Variants in ATP10B observed in about 807,000 individuals in gnomAD.
The protein encoded by ATP10B is phospholipid-transporting ATPase VB.
A neutral mutation model predicts 141.2 loss-of-function variants in ATP10B; 122 were observed. The ratio of observed to expected loss-of-function variants is 0.86; its 90% confidence interval spans 0.75 to 1.00. The LOEUF (loss-of-function observed/expected upper bound fraction) is 1.00, where lower values mean the gene tolerates loss of function less well. Ranked by LOEUF, ATP10B falls within the 50% of genes least tolerant of loss-of-function variation. The pLI is 0.00. For synonymous variants in ATP10B, 685 were observed against 692.0 expected (o/e 0.99, Z 0.16); for missense variants, 1,876 against 1,825.3 (o/e 1.03, Z -0.51).
At chr5:160,757,943 G>A (rs1239151568) in intron 2 of ATP10B, among the ~76,000 whole-genome samples, 2 of 152,100 alleles carry the variant, frequency 1.3e-5, no homozygotes, top group South Asian at 4.1e-4. Context: ...CCCAAGTGTG[G>A]CAACCAAAAA....
chr5:160,679,106 T>C (rs887437419), intron 6 of ATP10B, among the ~76,000 whole-genome samples: 2 of 152,220 alleles, frequency 1.3e-5, no homozygotes, highest in African/African-American at 2.4e-5. Context: ...ATTAGTGACA[T>C]AACCAGGATC....
chr5:160,755,488 TATG>T (rs2127829149), intron 2 of ATP10B, among the ~76,000 whole-genome samples: 1 of 152,066 alleles, frequency 6.6e-6, no homozygotes, highest in Non-Finnish European at 1.5e-5. Flanking sequence ...ATATGTAAAA[TATG>T]ATATTATATT....
intron 3 of ATP10B, among the ~76,000 whole-genome samples, chr5:160,715,975 C>G (rs7717797): frequency 1.3e-5 from 2 of 152,076 alleles, no homozygotes; most frequent in Non-Finnish European, 2.9e-5. Flanking sequence ...TCCCAAAGTG[C>G]TGGGATTACA....
Position 160,568,927 on chromosome 5 carries a change from T to C in ATP10B, c.3938+569A>G, listed in dbSNP as rs191771244. ...GATTATTTGTCTAATGCAGGTCTTG[T>C]ATGGAAGGTGTGTGTTTAAACAAAT... On this transcript the variant is annotated intron_variant, in intron 25 of 25. Transcript: ENST00000327245. Among the ~76,000 whole-genome samples the C allele has an allele frequency of 1.6e-4, 25 of 152,324 alleles. No individual in the cohort carries two copies. The East Asian group carries it at 4.6e-3, about 28-fold the overall frequency.
At chr5:160,904,719 A>G in the ATP10B span, among the ~76,000 whole-genome samples, 5 of 152,360 alleles carry the variant, frequency 3.3e-5, no homozygotes, top group East Asian at 9.6e-4. Context: ...TGTACAAATG[A>G]CAGCTATTAT....
intron 2 of ATP10B, among the ~76,000 whole-genome samples, chr5:160,771,163 T>A (rs1320001286): frequency 6.6e-6 from 1 of 152,208 alleles, no homozygotes; most frequent in Non-Finnish European, 1.5e-5. Flanking sequence ...TGATGGATGT[T>A]CACTGGCATA....
In ATP10B at chr5:160,591,133, T is replaced by C; in HGVS notation, c.3571A>G (p.Asn1191Asp). The change falls in exon 23 of 26, where the codon AAC becomes GAC. Residue 1191 changes from asparagine (N) to aspartate (D), a missense_variant. Coordinates refer to ENST00000327245, the MANE Select transcript of ATP10B (RefSeq NM_025153.3). Reference protein sequence around the residue: ...YKSGQNSECYNLSTFWISMVD... With the variant: ...YKSGQNSECYDLSTFWISMVD... ...ATAGAAATCCAGAAAGTCGACAGGT[T>C]ATAGCACTGCCAGGAGAGAACACAC... The C allele has an allele frequency of 6.2e-7, 1 of 1,613,562 alleles. No homozygotes were observed. The highest frequency in any genetic ancestry group is 8.5e-7 in the Non-Finnish European group (1 of 1,179,768).
At chr5:160,890,504 C>T in the ATP10B span, among the ~76,000 whole-genome samples, 1 of 151,826 alleles carries the variant, frequency 6.6e-6, no homozygotes, top group Non-Finnish European at 1.5e-5. Flanking sequence ...TTGGATTTGA[C>T]TATTCTGGAT....
At chr5:160,908,150 C>T in the ATP10B span, among the ~76,000 whole-genome samples, 3 of 152,160 alleles carry the variant, frequency 2.0e-5, no homozygotes, top group Non-Finnish European at 2.9e-5. Flanking sequence ...TAGCTCATTA[C>T]ACTATGTCAC....
At chr5:160,928,529 TA>T in the ATP10B span, among the ~76,000 whole-genome samples, 1 of 152,122 alleles carries the variant, frequency 6.6e-6, no homozygotes, top group African/African-American at 2.4e-5. Flanking sequence ...CTGGGATCAG[TA>T]AACCCTCATT....
chr5:160,873,280 T>G, the ATP10B span, among the ~76,000 whole-genome samples: 2 of 152,190 alleles, frequency 1.3e-5, no homozygotes, highest in Admixed American at 1.3e-4. Flanking sequence ...CAAAAACCTA[T>G]GGTTAACATC....
At chr5:160,739,825 T>A (rs563911730) in intron 2 of ATP10B, among the ~76,000 whole-genome samples, 3 of 146,996 alleles carry the variant, frequency 2.0e-5, no homozygotes, top group East Asian at 3.9e-4. Flanking sequence ...TTTTTGTTTT[T>A]TAAAATTGTA....
chr5:160,760,121 CA>C (rs1561825407), intron 2 of ATP10B, among the ~76,000 whole-genome samples: 1 of 152,180 alleles, frequency 6.6e-6, no homozygotes, highest in African/African-American at 2.4e-5. Context: ...AGAGAGGGAT[CA>C]AATTTCATCC....
chr5:160,821,334 A>G (rs1217194652), intron 1 of ATP10B, among the ~76,000 whole-genome samples: 1 of 152,112 alleles, frequency 6.6e-6, no homozygotes, highest in African/African-American at 2.4e-5. Flanking sequence ...TATAGTAAAA[A>G]CTATAAAACA....
intron 1 of ATP10B, among the ~76,000 whole-genome samples, chr5:160,791,277 C>T (rs936014229): frequency 6.6e-6 from 1 of 152,076 alleles, no homozygotes; most frequent in African/African-American, 2.4e-5. Context: ...TTTTTAGCTT[C>T]TAAGTTTTTG....
chr5:160,891,517 G>A, the ATP10B span, among the ~76,000 whole-genome samples: 2 of 152,124 alleles, frequency 1.3e-5, no homozygotes, highest in African/African-American at 2.4e-5. Context: ...GTGCAGTGGC[G>A]CAGTCTCAAC....
At chr5:160,816,190 T>TAAAAAAGCCTTC (rs536526439) in intron 1 of ATP10B, among the ~76,000 whole-genome samples, 1 of 108,598 alleles carries the variant, frequency 9.2e-6, no homozygotes, top group Admixed American at 9.2e-5. Context: ...AAGAGAGACA[T>TAAAAAAGCCTTC]AAAAAATGAA....
Position 160,707,839 on chromosome 5 carries a change from T to C in ATP10B, c.-205+9070A>G, listed in dbSNP as rs112494143. On this transcript the variant is annotated intron_variant, in intron 3 of 25. Transcript: ENST00000327245. ...CATTTAAGTACTCCTGTGGCTTGAA[T>C]GGCAAAATGCCCGTGGAGACTCAGA... Among the ~76,000 whole-genome samples, 539 of 152,310 alleles carry C rather than the reference T, an allele frequency of 3.5e-3. 6 individuals are homozygous for C. The highest frequency in any genetic ancestry group is 0.013 in the African/African-American group (520 of 41,570).
intron 24 of ATP10B, among the ~76,000 whole-genome samples, chr5:160,589,027 T>TTTGAGATGGAGTCTCACTCTGTCACCC (rs1756098033): frequency 6.6e-6 from 1 of 152,184 alleles, no homozygotes; most frequent in Non-Finnish European, 1.5e-5. Flanking sequence ...TTTTTTGTTT[T>TTTGAGATGGAGTCTCACTCTGTCACCC]TTGAGATGGA....
Sources: allele counts gnomAD v4.1 joint callset (sites outside exome capture counted in the v4.1 genomes callset), GRCh38; gene constraint gnomAD v4.1.1; transcripts MANE v1.5; gene names NCBI Gene and HGNC (gene_info 2026-07-23, HGNC 2026-07-21).